Variants in ABLIM2 observed in about 807,000 individuals in gnomAD.
The protein encoded by ABLIM2 is actin-binding LIM protein 2.
A neutral mutation model predicts 97.7 loss-of-function variants in ABLIM2; 53 were observed. The ratio of observed to expected loss-of-function variants is 0.54; its 90% confidence interval spans 0.44 to 0.68. ABLIM2 has a LOEUF of 0.68. ABLIM2 is among the 30% of genes least tolerant of loss of function. The pLI, the probability that ABLIM2 is intolerant of heterozygous loss-of-function variation, is 0.00. For missense variants in ABLIM2, 835 were observed against 867.2 expected (o/e 0.96, Z 0.47); for synonymous variants, 361 against 345.8 (o/e 1.04, Z -0.49).
At position 8,033,192 on chromosome 4, in the gene ABLIM2, C is replaced by T. The variant is rs559172913; in HGVS notation, c.1047+2957G>A. On this transcript the variant is annotated intron_variant, in intron 10 of 20. Transcript: ENST00000447017. This position sits in a 1 kb window ranked among gnomAD's most constrained non-coding sequence, Gnocchi z 4.5. ...TCTTCCCAGGCTGGCACCCCATCCACCACCACCTGCACATATGTTCAGTGA... is the reference window on the plus strand; with the variant it reads ...TCTTCCCAGGCTGGCACCCCATCCATCACCACCTGCACATATGTTCAGTGA... 1.3e-5 allele frequency among the ~76,000 whole-genome samples: 2 copies of T among 152,328 alleles called. No homozygotes were observed. The highest frequency in any genetic ancestry group is 1.5e-5 in the Non-Finnish European group (1 of 68,032).
At chr4:7,983,431 A>C (rs1740581837) in intron 19 of ABLIM2, 87 bp from the exon 20 acceptor site, 1 of 1,578,194 alleles carries the variant, frequency 6.3e-7, no homozygotes, top group Non-Finnish European at 8.6e-7. Context: ...CCGAGAATAC[A>C]TACTTGCGTC....
Position 8,075,889 on chromosome 4 carries a change from C to T in ABLIM2, c.675+1739G>A, listed in dbSNP as rs187188089. 6.6e-6 allele frequency among the ~76,000 whole-genome samples: 1 copy of T among 152,132 alleles called. No homozygotes were observed. Among genetic ancestry groups the T allele is most frequent in the Non-Finnish European group, 1.5e-5 (1 of 68,018 alleles). On this transcript the variant is annotated intron_variant, in intron 6 of 20. Coordinates refer to ENST00000447017, the MANE Select transcript of ABLIM2 (RefSeq NM_001130083.2). This position sits in a 1 kb window ranked among gnomAD's most constrained non-coding sequence, Gnocchi z 4.4. Reference sequence around the variant, plus strand: ...CAGGGATGTTTGGGATACAACATGGCACAGATGGTTTGAGATCAACTATGA... The same window carrying T: ...CAGGGATGTTTGGGATACAACATGGTACAGATGGTTTGAGATCAACTATGA...
intron 1 of ABLIM2, among the ~76,000 whole-genome samples, chr4:8,152,981 C>G (rs1713588916): frequency 6.6e-6 from 1 of 152,160 alleles, no homozygotes; most frequent in Admixed American, 6.5e-5. Context: ...AGAGGCACAG[C>G]CAAGGGGTGC....
intron 11 of ABLIM2, among the ~76,000 whole-genome samples, chr4:8,029,136 C>G (rs570878969): frequency 6.6e-6 from 1 of 152,142 alleles, no homozygotes; most frequent in Non-Finnish European, 1.5e-5. Flanking sequence ...TCCTGACTGG[C>G]GGGGACCTCT....
chr4:8,153,905 G>T (rs1273240508), intron 1 of ABLIM2, among the ~76,000 whole-genome samples: 1 of 151,614 alleles, frequency 6.6e-6, no homozygotes, highest in East Asian at 1.9e-4. Context: ...CTGTAGAGTT[G>T]ACATCCTATA....
At chr4:8,121,016 A>T (rs149647228) in intron 1 of ABLIM2, among the ~76,000 whole-genome samples, 1 of 152,358 alleles carries the variant, frequency 6.6e-6, no homozygotes, top group East Asian at 1.9e-4. Context: ...TCAAAAAACG[A>T]TAGTCCAATC....
At chr4:8,084,577 A>G (rs1822099496) in intron 4 of ABLIM2, among the ~76,000 whole-genome samples, 1 of 151,992 alleles carries the variant, frequency 6.6e-6, no homozygotes, top group Admixed American at 6.6e-5. Context: ...TGGGCCTGGG[A>G]CCTTAGAACT....
At chr4:8,151,828 G>A (rs1378353106) in intron 1 of ABLIM2, among the ~76,000 whole-genome samples, 1 of 150,806 alleles carries the variant, frequency 6.6e-6, no homozygotes, top group East Asian at 2.0e-4. Flanking sequence ...TGGAACAGAT[G>A]GGCCCTGGGG....
intron 11 of ABLIM2, among the ~76,000 whole-genome samples, chr4:8,028,261 C>G (rs1778697256): frequency 6.6e-6 from 1 of 152,246 alleles, no homozygotes; most frequent in Admixed American, 6.5e-5. Context: ...TTGGGTTAGC[C>G]TGGGCCAAGC....
At chr4:8,089,957 A>C (rs1436211620) in intron 3 of ABLIM2, among the ~76,000 whole-genome samples, 1 of 152,022 alleles carries the variant, frequency 6.6e-6, no homozygotes, top group Non-Finnish European at 1.5e-5. Context: ...GAAGCTGGAG[A>C]CCACCGTGCC....
chr4:8,004,623 G>A lies in ABLIM2; in HGVS notation c.1618+3436C>T, dbSNP rs1578401614. ...TGGGGCCTCAAGGGGCTAGGAATGT[G>A]GGACCCCAAGCAGCAGCAGGCCCTA... On this transcript the variant is annotated intron_variant, in intron 16 of 20. Coordinates refer to ENST00000447017, the MANE Select transcript of ABLIM2 (RefSeq NM_001130083.2). The surrounding 1 kb of genome is among the most constrained non-coding windows in gnomAD (Gnocchi z 5.9). Among the ~76,000 whole-genome samples the A allele has an allele frequency of 6.6e-6, 1 of 152,232 alleles. No homozygotes were observed. The highest frequency in any genetic ancestry group is 1.5e-5 in the Non-Finnish European group (1 of 68,024).
At chr4:8,060,941 A>G in intron 7 of ABLIM2, 26 bp downstream of exon 7, 1 of 1,547,178 alleles carries the variant, frequency 6.5e-7, no homozygotes, top group South Asian at 1.2e-5. Context: ...GCTCTAGGGG[A>G]CCAAACAACA....
intron 1 of ABLIM2, among the ~76,000 whole-genome samples, chr4:8,142,320 G>A (rs575005467): frequency 1.1e-3 from 162 of 152,232 alleles, no homozygotes; most frequent in African/African-American, 3.7e-3. Context: ...CGAGGGCATG[G>A]ACTCTGCCTC....
intron 14 of ABLIM2, among the ~76,000 whole-genome samples, chr4:8,013,762 T>C (rs1285265404): frequency 6.6e-6 from 1 of 152,156 alleles, no homozygotes; most frequent in Non-Finnish European, 1.5e-5. Context: ...ACAAATCCAC[T>C]TTCCCACGGA....
intron 1 of ABLIM2, among the ~76,000 whole-genome samples, chr4:8,108,843 T>C (rs963679791): frequency 2.6e-5 from 4 of 152,216 alleles, no homozygotes; most frequent in African/African-American, 9.6e-5. Context: ...TTCCTTTATT[T>C]CCACAGCAGT....
intron 15 of ABLIM2, among the ~76,000 whole-genome samples, 180 bp downstream of exon 15, chr4:8,008,870 C>T (rs572052270): frequency 4.6e-5 from 7 of 152,298 alleles, no homozygotes; most frequent in Admixed American, 2.0e-4. Flanking sequence ...CGGTAGGAGA[C>T]GTGTGCATCC....
At position 8,065,130 on chromosome 4, in the gene ABLIM2, T is replaced by C. The variant is rs928413947; in HGVS notation, c.676-4076A>G. ...AGCCAGGCATGGTGGCTTGCACCTGTAGTCCCAGCTACTCAGGAGGCTGAG... is the reference window on the plus strand; with the variant it reads ...AGCCAGGCATGGTGGCTTGCACCTGCAGTCCCAGCTACTCAGGAGGCTGAG... On this transcript the variant is annotated intron_variant, in intron 6 of 20. Coordinates refer to ENST00000447017, the MANE Select transcript of ABLIM2 (RefSeq NM_001130083.2). Among the ~76,000 whole-genome samples the C allele has an allele frequency of 3.4e-4, 51 of 152,152 alleles. 1 individual carries two copies. Among genetic ancestry groups the C allele is most frequent in the African/African-American group, 1.2e-3 (48 of 41,428 alleles).
chr4:8,124,571 T>G lies in ABLIM2; in HGVS notation c.11-17934A>C, dbSNP rs1846989334. 6.6e-6 allele frequency among the ~76,000 whole-genome samples: 1 copy of G among 152,140 alleles called. No homozygotes were observed. Among genetic ancestry groups the G allele is most frequent in the Admixed American group, 6.5e-5 (1 of 15,280 alleles). On this transcript the variant is annotated intron_variant, in intron 1 of 20. Coordinates refer to ENST00000447017, the MANE Select transcript of ABLIM2 (RefSeq NM_001130083.2). The surrounding 1 kb of genome is among the most constrained non-coding windows in gnomAD (Gnocchi z 6.1). The stretch of plus-strand genomic sequence containing the variant: ...ATGTTTTCAGGGAGTGTCCGTGGTG[T>G]GGTGGGCGTCAGTGCCTCTTTCCTT...
rs997529256 is a variant in ABLIM2, at chr4:8,067,923, C to T, written c.676-6869G>A. On this transcript the variant is annotated intron_variant, in intron 6 of 20. Transcript: ENST00000447017. The surrounding 1 kb of genome is among the most constrained non-coding windows in gnomAD (Gnocchi z 5.4). ...CAGAGGACATTTAGCTGGAAGGTACCGGCATGGCACAGGTCACCCCCTCCC... is the reference window on the plus strand; with the variant it reads ...CAGAGGACATTTAGCTGGAAGGTACTGGCATGGCACAGGTCACCCCCTCCC... Among the ~76,000 whole-genome samples the T allele has an allele frequency of 2.6e-5, 4 of 152,160 alleles. No individual in the cohort carries two copies. The highest frequency in any genetic ancestry group is 3.8e-4 in the East Asian group (2 of 5,196).
Sources: gnomAD v4.1 joint callset for allele counts (sites outside exome capture counted in the v4.1 genomes callset) on GRCh38, gnomAD v4.1.1 for gene constraint, Gnocchi (gnomAD v3.1) non-coding constraint, MANE v1.5 for transcripts, NCBI Gene and HGNC (gene_info 2026-07-23, HGNC 2026-07-21) for gene names.